Variants in TMEM178B observed in about 807,000 individuals in gnomAD.
The protein encoded by TMEM178B is transmembrane protein 178B.
TMEM178B carries 5 observed loss-of-function variants against 31.0 expected under a neutral mutation model. The ratio of observed to expected loss-of-function variants is 0.16; its 90% CI spans 0.08 to 0.34. The LOEUF is 0.34. TMEM178B is among the 10% of genes least tolerant of loss of function. The probability of loss-of-function intolerance (pLI) is 1.00; values close to 1 mark genes in which losing one functional copy is unlikely to be tolerated. For missense variants in TMEM178B, 275 were observed against 400.3 expected, an observed-to-expected ratio of 0.69 and a Z score of 2.67; for synonymous variants, 164 against 164.0, an observed-to-expected ratio of 1.00 and a Z score of 0.00.
At chr7:141,104,903 G>T (rs952762359) in intron 1 of TMEM178B, among the ~76,000 whole-genome samples, 16 of 152,172 alleles carry the variant, frequency 1.1e-4, no homozygotes, top group Non-Finnish European at 1.0e-4. Context: ...AGATCCTGAG[G>T]TCTCTGGGGG....
downstream of TMEM178B, among the ~76,000 whole-genome samples, chr7:141,481,036 C>T (rs373657512): frequency 3.9e-5 from 6 of 152,202 alleles, no homozygotes; most frequent in East Asian, 1.9e-4. Flanking sequence ...AGAAGAAACG[C>T]GTGGCTGAGC....
intron 2 of TMEM178B, among the ~76,000 whole-genome samples, chr7:141,315,605 A>G (rs945277595): frequency 6.6e-6 from 1 of 152,196 alleles, no homozygotes; most frequent in Non-Finnish European, 1.5e-5. Context: ...ATTTAATCCC[A>G]TACTTTCTGG....
rs887133790 is a variant in TMEM178B at position 141,306,200 on chromosome 7, A to G, written c.496+93496A>G. On this transcript the variant is annotated intron_variant, in intron 2 of 3. Coordinates refer to ENST00000565468, the MANE Select transcript of TMEM178B (RefSeq NM_001195278.2). ...TGCAGCTAAAAGGCTAGATAAACCC[A>G]ATCAAATCAGAAAGAATGAAGATGC... 2.6e-5 allele frequency among the ~76,000 whole-genome samples: 4 copies of G among 152,198 alleles called. 1 individual carries two copies. The highest frequency in any genetic ancestry group is 2.9e-5 in the Non-Finnish European group (2 of 68,040).
chr7:141,257,890 T>C (rs1586854576), intron 2 of TMEM178B, among the ~76,000 whole-genome samples: 1 of 151,868 alleles, frequency 6.6e-6, no homozygotes, highest in African/African-American at 2.4e-5. Context: ...TTCTATATGG[T>C]CTCCTATCAT....
At chr7:141,266,249 C>G (rs1332690869) in intron 2 of TMEM178B, among the ~76,000 whole-genome samples, 2 of 152,202 alleles carry the variant, frequency 1.3e-5, no homozygotes, top group African/African-American at 4.8e-5. Context: ...TCATTGCATT[C>G]ATCTTCCAGG....
chr7:141,074,151 G>C lies in TMEM178B; in HGVS notation c.-160G>C. 2.7e-6 allele frequency: 3 copies of C among 1,096,160 alleles called. No homozygotes were observed. The highest frequency in any genetic ancestry group is 1.6e-5 in the African/African-American group (1 of 60,634). 67.9% of individuals were successfully genotyped at this position (1,096,160 alleles called of 1,614,324 possible). A position where few individuals can be genotyped will look rare whatever the true frequency, so the allele number is the denominator to read the frequency against. ...GCCCGCCCCCATCCCCGCAGTCCCC[G>C]GGCCGTGCTCCGGTAGGCGGGGGCC... On this transcript the variant is annotated 5_prime_UTR_variant, in exon 1 of 4. Coordinates refer to ENST00000565468, the MANE Select transcript of TMEM178B (RefSeq NM_001195278.2). This position sits in a 1 kb window ranked among gnomAD's most constrained non-coding sequence, Gnocchi z 5.1.
chr7:141,393,113 G>A (rs927756880), intron 2 of TMEM178B, among the ~76,000 whole-genome samples: 10 of 152,014 alleles, frequency 6.6e-5, no homozygotes, highest in Admixed American at 6.5e-5. Context: ...TTTCTTCTGC[G>A]GGGCTCTTCC....
Position 141,473,101 on chromosome 7 carries a change from T to A in TMEM178B, c.*2315T>A, listed in dbSNP as rs559287738. 6.6e-6 allele frequency: 1 copy of A among 152,312 alleles called. No individual in the cohort carries two copies. Among genetic ancestry groups the A allele is most frequent in the South Asian group, 2.1e-4 (1 of 4,826 alleles). 9.4% of individuals were successfully genotyped at this position (152,312 alleles called of 1,614,324 possible). A position where few individuals can be genotyped will look rare whatever the true frequency, so the allele number is the denominator to read the frequency against. ...AAGGATTATTTTTAAAACAAAGGAT[T>A]TATTCTATGAGAAGGGAAATAATTT... is the stretch of plus-strand genomic sequence containing the variant. On this transcript the variant is annotated 3_prime_UTR_variant, in exon 4 of 4. Transcript: ENST00000565468.
rs1794841550 is a variant in TMEM178B at position 141,089,360 on chromosome 7, C to A, written c.382+14668C>A. ...GGAGGCTTCCAGACAAAGGAAGAAT[C>A]ATGAGCAAAGGCTCCCAAGGGATAA... On this transcript the variant is annotated intron_variant, in intron 1 of 3. Transcript: ENST00000565468. Among the ~76,000 whole-genome samples the A allele has an allele frequency of 2.6e-5, 4 of 152,144 alleles. No homozygotes were observed. The South Asian group carries it at 8.3e-4, about 32-fold the overall frequency.
chr7:141,135,960 G>T (rs1348783223), intron 1 of TMEM178B, among the ~76,000 whole-genome samples: 1 of 151,914 alleles, frequency 6.6e-6, no homozygotes, highest in Non-Finnish European at 1.5e-5. Flanking sequence ...TAAACTGCTA[G>T]CTAGACTAAC....
At chr7:141,292,868 C>T (rs1321743652) in intron 2 of TMEM178B, among the ~76,000 whole-genome samples, 1 of 152,044 alleles carries the variant, frequency 6.6e-6, no homozygotes, top group Non-Finnish European at 1.5e-5. Context: ...AAACTCCTGA[C>T]TTCAGATGAT....
chr7:141,502,694 C>G, the TMEM178B span, among the ~76,000 whole-genome samples: 3 of 151,748 alleles, frequency 2.0e-5, no homozygotes, highest in African/African-American at 7.3e-5. Flanking sequence ...CGCTTGAACC[C>G]GGGAGGCGGA....
chr7:141,272,595 G>T (rs1015812503), intron 2 of TMEM178B, among the ~76,000 whole-genome samples: 2 of 152,198 alleles, frequency 1.3e-5, no homozygotes, highest in African/African-American at 4.8e-5. Context: ...GGTCCTGAGA[G>T]CCCCAGTGCT....
intron 2 of TMEM178B, among the ~76,000 whole-genome samples, chr7:141,244,922 G>C (rs915061210): frequency 6.6e-6 from 1 of 151,692 alleles, no homozygotes; most frequent in Non-Finnish European, 1.5e-5. Flanking sequence ...CAGATTGCCT[G>C]AGCTCAGGAG....
In TMEM178B at chr7:141,355,567, G is replaced by A. The variant is rs1196306367; in HGVS notation, c.497-82041G>A. Among the ~76,000 whole-genome samples, 3 of 152,216 alleles carry A rather than the reference G, an allele frequency of 2.0e-5. No homozygotes were observed. The East Asian group carries it at 5.8e-4, about 29-fold the overall frequency. Reference sequence around the variant, plus strand: ...AGGTGGAGCCAGGTGAGCCTTGATTGGCATTCAATGCAGATGGGCATTCAA... The same window carrying A: ...AGGTGGAGCCAGGTGAGCCTTGATTAGCATTCAATGCAGATGGGCATTCAA... On this transcript the variant is annotated intron_variant, in intron 2 of 3. Transcript: ENST00000565468.
intron 1 of TMEM178B, among the ~76,000 whole-genome samples, chr7:141,139,665 ATG>A (rs766290047): frequency 6.6e-6 from 1 of 152,140 alleles, no homozygotes; most frequent in Non-Finnish European, 1.5e-5. Context: ...TATGAAATGA[ATG>A]ATTGTAATTT....
intron 2 of TMEM178B, among the ~76,000 whole-genome samples, chr7:141,247,836 T>C (rs923508512): frequency 1.3e-5 from 2 of 152,198 alleles, no homozygotes; most frequent in Middle Eastern, 3.2e-3. Flanking sequence ...CTAAAAATTA[T>C]TTGTTGTTTA....
chr7:141,136,731 T>C (rs1332366904), intron 1 of TMEM178B, among the ~76,000 whole-genome samples: 48 of 152,190 alleles, frequency 3.2e-4, no homozygotes, highest in Non-Finnish European at 1.5e-5. Flanking sequence ...ATCGGCACAG[T>C]GGCTGATGCA....
intron 2 of TMEM178B, among the ~76,000 whole-genome samples, chr7:141,259,299 A>G (rs182080115): frequency 6.6e-6 from 1 of 152,332 alleles, no homozygotes; most frequent in East Asian, 1.9e-4. Flanking sequence ...CTGTTTAAAA[A>G]TATTTTTATT....
Sources: gnomAD v4.1 joint callset for allele counts (sites outside exome capture counted in the v4.1 genomes callset) on GRCh38, gnomAD v4.1.1 for gene constraint, Gnocchi (gnomAD v3.1) non-coding constraint, MANE v1.5 for transcripts, NCBI Gene and HGNC (gene_info 2026-07-23, HGNC 2026-07-21) for gene names.